Variants in HEPH observed in about 807,000 individuals in gnomAD.
HEPH encodes the protein hephaestin.
Under a neutral mutation model 80.8 loss-of-function variants are expected in HEPH, and 69 were observed. That is an observed-to-expected ratio of 0.85 (90% CI 0.70 to 1.04). The LOEUF (loss-of-function observed/expected upper bound fraction) is 1.04. HEPH is among the 50% of genes least tolerant of loss of function. The pLI is 0.00. For synonymous variants in HEPH, 431 were observed against 322.8 expected (o/e 1.34, Z -3.60); for missense variants, 1,115 against 891.3 (o/e 1.25, Z -3.20).
intron 15 of HEPH, among the ~76,000 whole-genome samples, chrX:66,248,655 G>C (rs932539030): frequency 2.7e-5 from 3 of 112,041 alleles, no homozygotes; most frequent in African/African-American, 9.7e-5. Flanking sequence ...TTGTGAAGAA[G>C]GAAAAATAAA....
upstream of HEPH, chrX:66,162,982 C>A (rs1187412747): frequency 4.1e-6 from 3 of 735,990 alleles, no homozygotes; most frequent in African/African-American, 6.6e-5. Context: ...ATTCTCAGAC[C>A]TGTCGCCACA....
intron 15 of HEPH, among the ~76,000 whole-genome samples, chrX:66,251,448 CTAA>C (rs754162552): frequency 7.2e-4 from 81 of 111,933 alleles, no homozygotes; most frequent in Non-Finnish European, 1.4e-3. Flanking sequence ...TTCCAAATGG[CTAA>C]TAATGTTTAA....
chrX:66,167,991 C>A (rs2086446117), intron 1 of HEPH, among the ~76,000 whole-genome samples: 2 of 111,829 alleles, frequency 1.8e-5, no homozygotes, highest in Non-Finnish European at 3.8e-5. Context: ...GCCTCCATCG[C>A]CATGTCGTAA....
At chrX:66,233,654 A>G (rs946135095) in intron 15 of HEPH, among the ~76,000 whole-genome samples, 1 of 110,987 alleles carries the variant, frequency 9.0e-6, no homozygotes, top group African/African-American at 3.3e-5. Flanking sequence ...TTCTTCAACA[A>G]TGGCTAATCT....
At chrX:66,164,096 C>A, upstream of HEPH, 1 of 388,672 alleles carries the variant, frequency 2.6e-6, no homozygotes, top group Non-Finnish European at 3.3e-6. Flanking sequence ...CTCCTCTCAG[C>A]AAAGACCAAT....
At chrX:66,240,904 A>G (rs753376410) in intron 15 of HEPH, among the ~76,000 whole-genome samples, 20 of 112,044 alleles carry the variant, frequency 1.8e-4, no homozygotes, top group Admixed American at 3.8e-4. Context: ...AAAAGAAAAA[A>G]TATTACACCA....
chrX:66,226,179 C>T lies in HEPH; in HGVS notation c.2563+17933C>T, dbSNP rs763183299. Among the ~76,000 whole-genome samples the T allele has an allele frequency of 1.5e-4, 17 of 111,907 alleles. 1 individual carries two copies. In the East Asian group the frequency reaches 4.8e-3, roughly 31 times the overall value. ...CTGGGGTTGATCTTTAACTACCAGG[C>T]CCAGGGTGTGGTGCCGGGCTGTCTG... On this transcript the variant is annotated intron_variant, in intron 15 of 20. Coordinates refer to ENST00000343002, the MANE Select transcript of HEPH (RefSeq NM_001367233.3).
At chrX:66,198,498 A>T (rs1425047242) in intron 10 of HEPH, among the ~76,000 whole-genome samples, 1 of 111,677 alleles carries the variant, frequency 9.0e-6, no homozygotes, top group African/African-American at 3.3e-5. Context: ...CACTGATATT[A>T]CTTATCTTTT....
intron 8 of HEPH, 26 bp from the exon 9 acceptor site, chrX:66,195,072 C>T (rs771007098): frequency 8.8e-7 from 1 of 1,141,116 alleles, no homozygotes; most frequent in Admixed American, 2.5e-5. Context: ...TCATCATTCT[C>T]ATTGTCTCTC....
intron 8 of HEPH, among the ~76,000 whole-genome samples, chrX:66,194,225 G>A (rs1273805848): frequency 9.0e-6 from 1 of 111,568 alleles, no homozygotes; most frequent in African/African-American, 3.3e-5. Flanking sequence ...GACCATACTC[G>A]GGATAGGTGT....
intron 15 of HEPH, among the ~76,000 whole-genome samples, chrX:66,252,911 A>G (rs902904630): frequency 8.0e-5 from 9 of 112,467 alleles, no homozygotes; most frequent in Admixed American, 6.6e-4. Flanking sequence ...ATGCAAAACT[A>G]TGAAGTTGGA....
intron 13 of HEPH, among the ~76,000 whole-genome samples, chrX:66,206,900 C>T (rs2088811151): frequency 9.1e-6 from 1 of 109,828 alleles, no homozygotes; most frequent in African/African-American, 3.3e-5. Flanking sequence ...GCCTGTAATC[C>T]CAGCTACTCT....
At chrX:66,246,424 G>A (rs988559535) in intron 15 of HEPH, among the ~76,000 whole-genome samples, 11 of 111,463 alleles carry the variant, frequency 9.9e-5, no homozygotes, top group African/African-American at 3.6e-4. Context: ...GGGCAGTAGA[G>A]CAATCTTACT....
At chrX:66,189,563 C>T in intron 5 of HEPH, 121 bp from the exon 6 acceptor site, 1 of 749,694 alleles carries the variant, frequency 1.3e-6, no homozygotes, top group Non-Finnish European at 2.0e-6. Context: ...ATACATAGGT[C>T]AACACAGTGT....
chrX:66,242,140 A>G (rs1456747901), intron 15 of HEPH, among the ~76,000 whole-genome samples: 2 of 111,357 alleles, frequency 1.8e-5, no homozygotes, highest in African/African-American at 6.5e-5. Context: ...TATATTAACC[A>G]AAACAGTGGG....
chrX:66,173,603 G>C lies in HEPH; in HGVS notation c.427G>C (p.Asp143His). ...EKDSEGSLYP[D>H]GSSGPLKADD... ...TTCATTTCTAGGTTCCCTATACCCA[G>C]ATGGCTCCTCTGGGCCACTGAAAGC... Residue 143 changes from aspartate (D) to histidine (H), a missense_variant, in exon 4 of 21, where the codon GAT becomes CAT. Asp to His is a moderately conservative substitution (Grantham distance 81). This residue lies in a region of HEPH where 391 missense variants were observed against 343.6 expected (regional missense o/e 1.14). Transcript: ENST00000343002. 1 of 1,208,909 alleles carries C rather than the reference G, an allele frequency of 8.3e-7. No individual in the cohort carries two copies. The highest frequency in any genetic ancestry group is 1.1e-6 in the Non-Finnish European group (1 of 893,369).
At chrX:66,251,440 C>T (rs979922847) in intron 15 of HEPH, among the ~76,000 whole-genome samples, 11 of 111,991 alleles carry the variant, frequency 9.8e-5, no homozygotes, top group Non-Finnish European at 1.7e-4. Flanking sequence ...TTTGCATTTT[C>T]CAAATGGCTA....
intron 15 of HEPH, among the ~76,000 whole-genome samples, chrX:66,219,441 G>A (rs1234413311): frequency 8.9e-6 from 1 of 112,076 alleles, no homozygotes; most frequent in African/African-American, 3.2e-5. Context: ...CTAGCAAGTA[G>A]TCGAGAGCCA....
chrX:66,228,592 C>T (rs1171031030), intron 15 of HEPH, among the ~76,000 whole-genome samples: 1 of 112,379 alleles, frequency 8.9e-6, no homozygotes, highest in Non-Finnish European at 1.9e-5. Context: ...AATAAACAGA[C>T]ATCCCAGAGA....
Sources: allele counts gnomAD v4.1 joint callset (sites outside exome capture counted in the v4.1 genomes callset), GRCh38; gene constraint gnomAD v4.1.1; regional missense constraint gnomAD v4.1.1; transcripts MANE v1.5; gene names NCBI Gene and HGNC (gene_info 2026-07-23, HGNC 2026-07-21).